Variants in CDH19 observed in about 807,000 individuals in gnomAD.
CDH19 encodes cadherin-19.
In CDH19, 67 loss-of-function variants were observed where a neutral mutation model predicts 64.2. The ratio of observed to expected loss-of-function variants is 1.04; its 90% CI spans 0.86 to 1.28. The LOEUF is 1.28. CDH19 is among the 50% of genes most tolerant of loss of function. CDH19 has a pLI of 0.00. For synonymous variants in CDH19, 346 were observed against 319.3 expected (o/e 1.08, Z -0.89); for missense variants, 1,030 against 929.0 (o/e 1.11, Z -1.41).
intron 1 of CDH19, among the ~76,000 whole-genome samples, chr18:66,594,921 G>A (rs1021969648): frequency 1.3e-5 from 2 of 150,822 alleles, no homozygotes; most frequent in Non-Finnish European, 3.0e-5. Flanking sequence ...CGAGTTAGTG[G>A]GTGCAGCGCA....
rs1160497607 is a variant in CDH19, at chr18:66,541,484, A to C, written c.1214+2487T>G. Reference sequence around the variant, plus strand: ...GATCTTTTGCTTACAAAGAAAAAAGAGATAAATAAAGAAAACCAAAAAGAA... The same window carrying C: ...GATCTTTTGCTTACAAAGAAAAAAGCGATAAATAAAGAAAACCAAAAAGAA... On this transcript the variant is annotated intron_variant, in intron 7 of 11. Coordinates refer to ENST00000262150, the MANE Select transcript of CDH19 (RefSeq NM_021153.4). 2.0e-5 allele frequency among the ~76,000 whole-genome samples: 3 copies of C among 152,288 alleles called. No individual in the cohort carries two copies. In the East Asian group the frequency reaches 5.8e-4, roughly 29 times the overall value.
At chr18:66,543,209 T>A (rs919049651) in intron 7 of CDH19, among the ~76,000 whole-genome samples, 14 of 152,156 alleles carry the variant, frequency 9.2e-5, no homozygotes, top group Non-Finnish European at 2.1e-4. Context: ...TTTGTATTTT[T>A]AGTAGAGACG....
intron 11 of CDH19, 104 bp from the exon 12 acceptor site, chr18:66,505,406 TGATTATAAAACAAA>T: frequency 1.1e-6 from 1 of 879,838 alleles, no homozygotes; most frequent in Non-Finnish European, 1.6e-6. Context: ...TTAAACTTTA[TGATTATAAAACAAA>T]AAGATACATT....
intron 1 of CDH19, among the ~76,000 whole-genome samples, chr18:66,575,260 G>A (rs144017541): frequency 5.4e-4 from 82 of 151,760 alleles, no homozygotes; most frequent in African/African-American, 1.9e-3. Context: ...GAGTGAAAAA[G>A]TACTAAGTAC....
chr18:66,542,827 A>T (rs548661442), intron 7 of CDH19, among the ~76,000 whole-genome samples: 5 of 152,060 alleles, frequency 3.3e-5, no homozygotes, highest in Admixed American at 3.3e-4. Flanking sequence ...CTAGGTTGAG[A>T]CCTCCTTATG....
At chr18:66,555,954 T>C (rs1192939195) in intron 3 of CDH19, among the ~76,000 whole-genome samples, 1 of 151,710 alleles carries the variant, frequency 6.6e-6, no homozygotes, top group Non-Finnish European at 1.5e-5. Context: ...AATCATACCA[T>C]TTTCAGAGTT....
chr18:66,538,664 T>G (rs2144460630), intron 7 of CDH19, among the ~76,000 whole-genome samples: 1 of 152,248 alleles, frequency 6.6e-6, no homozygotes, highest in South Asian at 2.1e-4. Context: ...ACAAACTGGG[T>G]GGCTGAAAAC....
rs79502505 is a variant in CDH19, at chr18:66,572,126, G to C, written c.79C>G (p.Gln27Glu). ...ACTGGCTGCTTGACTTTCTTTGTTT[G>C]AGAGTTTTCTGTTGCTCCAAGACAA... Reference protein sequence around the residue: ...WPCLGATENSQTKKVKQPVRS... With the variant: ...WPCLGATENSETKKVKQPVRS... The change falls in exon 2 of 12, where the codon CAA (glutamine) becomes GAA (glutamate). Residue 27 changes from glutamine to glutamate, a missense_variant. Physicochemically the swap from Gln to Glu is conservative, Grantham distance 29. Transcript: ENST00000262150. 2 of 1,611,566 alleles carry C rather than the reference G, an allele frequency of 1.2e-6. No individual in the cohort carries two copies. Among genetic ancestry groups the C allele is most frequent in the Non-Finnish European group, 1.7e-6 (2 of 1,178,442 alleles).
At chr18:66,564,143 G>T (rs917958533) in intron 3 of CDH19, among the ~76,000 whole-genome samples, 16 of 151,618 alleles carry the variant, frequency 1.1e-4, no homozygotes, top group African/African-American at 3.9e-4. Flanking sequence ...AAAGCTTAAG[G>T]TGAATTTAAT....
At chr18:66,514,178 T>A (rs934982021) in intron 9 of CDH19, among the ~76,000 whole-genome samples, 1 of 151,592 alleles carries the variant, frequency 6.6e-6, no homozygotes, top group South Asian at 2.1e-4. Flanking sequence ...TGTAAGCTGA[T>A]GTCATAGGCA....
At chr18:66,578,762 C>T (rs982335564) in intron 1 of CDH19, among the ~76,000 whole-genome samples, 1 of 151,846 alleles carries the variant, frequency 6.6e-6, no homozygotes, top group Non-Finnish European at 1.5e-5. Context: ...TGTCTATCAA[C>T]AAGTCAATGT....
At chr18:66,556,295 A>G (rs1284793611) in intron 3 of CDH19, among the ~76,000 whole-genome samples, 2 of 151,708 alleles carry the variant, frequency 1.3e-5, no homozygotes, top group Non-Finnish European at 2.9e-5. Context: ...AGTAAAATCT[A>G]CTCACTCATC....
At chr18:66,580,443 C>T (rs1988390190) in intron 1 of CDH19, among the ~76,000 whole-genome samples, 1 of 152,040 alleles carries the variant, frequency 6.6e-6, no homozygotes, top group Non-Finnish European at 1.5e-5. Context: ...TCCCATAATA[C>T]TCTTGGCATA....
intron 5 of CDH19, 21 bp from the exon 6 acceptor site, chr18:66,544,924 G>C: frequency 6.5e-7 from 1 of 1,527,714 alleles, no homozygotes; most frequent in East Asian, 2.3e-5. Context: ...AAAATTGGAG[G>C]TATTTTGGAT....
chr18:66,590,258 C>T (rs1410384784), intron 1 of CDH19, among the ~76,000 whole-genome samples: 1 of 151,778 alleles, frequency 6.6e-6, no homozygotes, highest in African/African-American at 2.4e-5. Context: ...ATCTTGTCAA[C>T]CATACTGAGT....
chr18:66,507,499 AT>A (rs1985258692), intron 11 of CDH19, among the ~76,000 whole-genome samples: 1 of 151,990 alleles, frequency 6.6e-6, no homozygotes, highest in African/African-American at 2.4e-5. Context: ...ATATTTTGGC[AT>A]TAAAAAAAGG....
rs1987988425 is a variant in CDH19 at position 66,568,480 on chromosome 18, A to G, written c.426T>C (p.Asn142=). 1 of 1,612,136 alleles carries G rather than the reference A, an allele frequency of 6.2e-7. No individual in the cohort carries two copies. Among genetic ancestry groups the G allele is most frequent in the African/African-American group, 1.3e-5 (1 of 74,752 alleles). The change falls in exon 3 of 12, where the codon AAT becomes AAC. Residue 142 remains asparagine (N), a synonymous_variant. Transcript: ENST00000262150. ...SEFVIKVSDI[N]DNEPKFLDEP... Reference sequence around the variant, plus strand: ...CATCTAGGAATTTTGGTTCATTGTCATTGATATCCGAAACTTTGATGACAA... The same window carrying G: ...CATCTAGGAATTTTGGTTCATTGTCGTTGATATCCGAAACTTTGATGACAA...
intron 1 of CDH19, among the ~76,000 whole-genome samples, chr18:66,579,201 A>T (rs145977476): frequency 2.8e-4 from 42 of 152,136 alleles, no homozygotes; most frequent in African/African-American, 9.1e-4. Flanking sequence ...AACAAATTAG[A>T]CAACTAACCG....
Position 66,572,322 on chromosome 18 carries a change from G to A in CDH19, c.-112-6C>T, listed in dbSNP as rs1040334986. 9.3e-6 allele frequency: 6 copies of A among 644,508 alleles called. No homozygotes were observed. The highest frequency in any genetic ancestry group is 1.5e-5 in the Non-Finnish European group (6 of 408,934). The allele number at this position is 644,508 out of a possible 1,614,324, so 39.9% of individuals were successfully genotyped here. On this transcript the variant is annotated splice_polypyrimidine_tract_variant and splice_region_variant and intron_variant, in intron 1 of 11. Transcript: ENST00000262150. The stretch of plus-strand genomic sequence containing the variant: ...TCTGTGTACCTTCTATATACCTAAA[G>A]CGTCAGAAACAAAACAAAATTTGAC...
Sources: allele counts gnomAD v4.1 joint callset (sites outside exome capture counted in the v4.1 genomes callset), GRCh38; gene constraint gnomAD v4.1.1; transcripts MANE v1.5; gene names NCBI Gene and HGNC (gene_info 2026-07-23, HGNC 2026-07-21).